The following NETO1 variants were observed in gnomAD, a reference collection of about 807,000 sequenced individuals.
NETO1 encodes the protein neuropilin and tolloid-like protein 1.
In NETO1, 26 loss-of-function variants were observed where a neutral mutation model predicts 61.3. The ratio of observed to expected loss-of-function variants is 0.42; its 90% CI spans 0.31 to 0.59. The LOEUF (loss-of-function observed/expected upper bound fraction) is 0.59, where lower values mean the gene tolerates loss of function less well. Among genes scored for constraint, NETO1 ranks in the 20% least tolerant of loss-of-function variants. The pLI is 0.12. For synonymous variants in NETO1, 225 were observed against 225.8 expected, an observed-to-expected ratio of 1.00 and a Z score of 0.03; for missense variants, 531 against 662.8, an observed-to-expected ratio of 0.80 and a Z score of 2.18.
intron 6 of NETO1, among the ~76,000 whole-genome samples, chr18:72,789,772 C>T (rs1175084848): frequency 1.3e-5 from 2 of 152,122 alleles, no homozygotes; most frequent in Non-Finnish European, 1.5e-5. Context: ...TTCTTAATCC[C>T]CTGATTCTCT....
At chr18:72,827,774 C>G (rs2073431717) in intron 4 of NETO1, among the ~76,000 whole-genome samples, 1 of 151,044 alleles carries the variant, frequency 6.6e-6, no homozygotes, top group South Asian at 2.1e-4. Flanking sequence ...ATTGTCCTTG[C>G]TGTTTGGGCA....
chr18:72,744,875 C>G lies in NETO1; in HGVS notation c.*3304G>C, dbSNP rs1222608228. ...ATTCTGAGGTTGAGGAAAACCCATTCATGGAATTTTTTTAAAGCTGTAAAA... is the reference window on the plus strand; with the variant it reads ...ATTCTGAGGTTGAGGAAAACCCATTGATGGAATTTTTTTAAAGCTGTAAAA... On this transcript the variant is annotated 3_prime_UTR_variant, in exon 11 of 11. Coordinates refer to ENST00000327305, the MANE Select transcript of NETO1 (RefSeq NM_138966.5). The G allele has an allele frequency of 6.6e-6, 1 of 152,054 alleles. No individual in the cohort carries two copies. Among genetic ancestry groups the G allele is most frequent in the Non-Finnish European group, 1.5e-5 (1 of 68,016 alleles). The allele number at this position is 152,054 out of a possible 1,614,324, so 9.4% of individuals were successfully genotyped here.
intron 7 of NETO1, among the ~76,000 whole-genome samples, chr18:72,779,699 A>C (rs1395794365): frequency 6.6e-6 from 1 of 152,206 alleles, no homozygotes; most frequent in Non-Finnish European, 1.5e-5. Flanking sequence ...GGTATAAATA[A>C]TGGTAGAATT....
rs1192171701 is a variant in NETO1 at position 72,830,621 on chromosome 18, G to A, written c.469+28205C>T. Among the ~76,000 whole-genome samples the A allele has an allele frequency of 6.6e-6, 1 of 152,154 alleles. No individual in the cohort carries two copies. The highest frequency in any genetic ancestry group is 2.4e-5 in the African/African-American group (1 of 41,442). On this transcript the variant is annotated intron_variant, in intron 4 of 10. Coordinates refer to ENST00000327305, the MANE Select transcript of NETO1 (RefSeq NM_138966.5). This position sits in a 1 kb window ranked among gnomAD's most constrained non-coding sequence, Gnocchi z 4.9. The stretch of plus-strand genomic sequence containing the variant: ...GTGTGGAGGTAGGATGTGGTGGGGA[G>A]GGGATGGATTTCTCCAGGTTACAGG...
At chr18:72,785,461 C>T (rs139938094) in intron 6 of NETO1, among the ~76,000 whole-genome samples, 2 of 152,262 alleles carry the variant, frequency 1.3e-5, no homozygotes, top group African/African-American at 4.8e-5. Context: ...ATTCTCCTTA[C>T]AGCCCCAAAG....
chr18:72,775,132 G>A (rs1223806406), intron 7 of NETO1, among the ~76,000 whole-genome samples: 2 of 152,166 alleles, frequency 1.3e-5, no homozygotes, highest in Non-Finnish European at 2.9e-5. Context: ...GTCGGTCGAG[G>A]CAGCAGTATT....
chr18:72,843,908 G>C (rs10514057), intron 4 of NETO1, among the ~76,000 whole-genome samples: 39,220 of 152,018 alleles, frequency 0.26, 5,767 homozygotes, highest in East Asian at 0.46. Flanking sequence ...TTAGATAAGC[G>C]TATTAGCTCA....
chr18:72,827,518 T>C (rs981875678), intron 4 of NETO1, among the ~76,000 whole-genome samples: 15 of 152,180 alleles, frequency 9.9e-5, no homozygotes, highest in Non-Finnish European at 2.1e-4. Flanking sequence ...TGCAAGAAAC[T>C]GTCCAGGGAA....
intron 4 of NETO1, among the ~76,000 whole-genome samples, chr18:72,838,937 T>C (rs2073838291): frequency 1.3e-5 from 2 of 152,198 alleles, no homozygotes; most frequent in Admixed American, 1.3e-4. Context: ...AACTCTGCTA[T>C]ACTCATGATA....
chr18:72,784,834 G>A (rs1273960673), intron 6 of NETO1, among the ~76,000 whole-genome samples: 1 of 152,192 alleles, frequency 6.6e-6, no homozygotes, highest in African/African-American at 2.4e-5. Flanking sequence ...CGATTCAGTG[G>A]CATCCACAGC....
At chr18:72,806,406 CTT>C (rs1278497982) in intron 4 of NETO1, among the ~76,000 whole-genome samples, 4 of 152,144 alleles carry the variant, frequency 2.6e-5, no homozygotes, top group Non-Finnish European at 5.9e-5. Context: ...TCTACCAACA[CTT>C]TCTCTCTCTA....
intron 4 of NETO1, among the ~76,000 whole-genome samples, chr18:72,829,972 A>T (rs945925930): frequency 1.3e-5 from 2 of 152,358 alleles, no homozygotes; most frequent in Admixed American, 1.3e-4. Flanking sequence ...AGAGGAAAAT[A>T]ATAAACTTCA....
rs201547504 is a variant in NETO1 at position 72,867,256 on chromosome 18, G to T, written c.28+8C>A. The stretch of plus-strand genomic sequence containing the variant: ...GGAGCGCACGGGCGCGGCGGGGAGG[G>T]TACTCACTGTGAAGCACGCTGCGCC... On this transcript the variant is annotated splice_region_variant and intron_variant, in intron 1 of 10. Transcript: ENST00000327305. 5 of 1,553,064 alleles carry T rather than the reference G, an allele frequency of 3.2e-6. No homozygotes were observed. The African/African-American group carries it at 4.2e-5, about 13-fold the overall frequency.
intron 1 of NETO1, chr18:72,865,751 A>G (rs2074715142): frequency 7.0e-7 from 1 of 1,426,194 alleles, no homozygotes; most frequent in Non-Finnish European, 9.3e-7. Flanking sequence ...GAGGAGGAGA[A>G]TAAGCAAGAA....
At chr18:72,782,240 A>G (rs1030446409) in intron 7 of NETO1, among the ~76,000 whole-genome samples, 7 of 152,256 alleles carry the variant, frequency 4.6e-5, no homozygotes, top group Admixed American at 6.5e-5. Flanking sequence ...TTCTTTATGC[A>G]GTCTAACATG....
At chr18:72,817,552 AT>A (rs1439229574) in intron 4 of NETO1, among the ~76,000 whole-genome samples, 1 of 152,236 alleles carries the variant, frequency 6.6e-6, no homozygotes, top group Non-Finnish European at 1.5e-5. Context: ...ATACCAAAAG[AT>A]TGCTGATATT....
In NETO1 at chr18:72,800,940, AT is replaced by A. The variant is rs538173348; in HGVS notation, c.470-6537del. 3.5e-3 allele frequency among the ~76,000 whole-genome samples: 527 copies of A among 152,336 alleles called. 5 individuals carry two copies. The highest frequency in any genetic ancestry group is 0.012 in the African/African-American group (498 of 41,576). Reference sequence around the variant, plus strand: ...GTAAATGTATCACATTAGACACTCTATTAGAGAGCAGCCTCATGTTTAACAA... The same window carrying A: ...GTAAATGTATCACATTAGACACTCTATAGAGAGCAGCCTCATGTTTAACAA... On this transcript the variant is annotated intron_variant, in intron 4 of 10. Coordinates refer to ENST00000327305, the MANE Select transcript of NETO1 (RefSeq NM_138966.5).
Position 72,749,019 on chromosome 18 carries a change from A to C in NETO1, c.*9T>G. 6.2e-7 allele frequency: 1 copy of C among 1,605,008 alleles called. No individual in the cohort carries two copies. The highest frequency in any genetic ancestry group is 8.5e-7 in the Non-Finnish European group (1 of 1,172,180). ...AACCAAGGGCATCTGCTTACCTTGA[A>C]TTTTCTTTCTAGACCCTAGTTGTGT... On this transcript the variant is annotated 3_prime_UTR_variant, in exon 10 of 11. Coordinates refer to ENST00000327305, the MANE Select transcript of NETO1 (RefSeq NM_138966.5).
At chr18:72,855,105 T>C (rs773265258) in intron 4 of NETO1, among the ~76,000 whole-genome samples, 2 of 152,226 alleles carry the variant, frequency 1.3e-5, no homozygotes, top group Non-Finnish European at 2.9e-5. Flanking sequence ...TTAAATTGTT[T>C]GAGTTATCAA....
Sources: gnomAD v4.1 joint callset for allele counts (sites outside exome capture counted in the v4.1 genomes callset) on GRCh38, gnomAD v4.1.1 for gene constraint, Gnocchi (gnomAD v3.1) non-coding constraint, MANE v1.5 for transcripts, NCBI Gene and HGNC (gene_info 2026-07-23, HGNC 2026-07-21) for gene names.